SMG6: variants seen among roughly 807,000 people sequenced by gnomAD.
SMG6 encodes the protein telomerase-binding protein EST1A.
A neutral mutation model predicts 142.2 loss-of-function variants in SMG6; 66 were observed. That is an observed-to-expected ratio of 0.46 (90% CI 0.38 to 0.57). The LOEUF is 0.57. Among genes scored for constraint, SMG6 ranks in the 20% least tolerant of loss-of-function variants. The pLI is 0.00. For missense variants in SMG6, 1,793 were observed against 1,832.0 expected, an observed-to-expected ratio of 0.98 and a Z score of 0.39; for synonymous variants, 779 against 702.4, an observed-to-expected ratio of 1.11 and a Z score of -1.72.
At position 2,091,673 on chromosome 17, in the gene SMG6, C is replaced by CT. The variant is rs11331439; in HGVS notation, c.3358-5773dup. Reference sequence around the variant, plus strand: ...ACAGGCTACTTTCTCAGTCTTTTTGCTTTTTTTTTTTTTTTGAGAGAGAGT... The same window carrying CT: ...ACAGGCTACTTTCTCAGTCTTTTTGCTTTTTTTTTTTTTTTTGAGAGAGAGT... On this transcript the variant is annotated intron_variant, in intron 13 of 18. Transcript: ENST00000263073. Among the ~76,000 whole-genome samples the CT allele has an allele frequency of 3.2e-3, 444 of 140,404 alleles. 1 individual carries two copies. Among genetic ancestry groups the CT allele is most frequent in the Non-Finnish European group, 4.7e-3 (310 of 65,282 alleles). The allele number at this position is 140,404 out of a possible 152,430, so 92.1% of individuals were successfully genotyped here.
intron 13 of SMG6, chr17:2,127,531 G>A (rs879122870): frequency 3.2e-6 from 2 of 631,626 alleles, no homozygotes; most frequent in Non-Finnish European, 6.1e-6. Context: ...CATGGTTTTG[G>A]GGCCAGCATC....
At position 2,230,498 on chromosome 17, in the gene SMG6, T is replaced by C. The variant is rs190242968; in HGVS notation, c.2869+5994A>G. ...AAACAAAGACCATTTCTTCAACTGA[T>C]ATGATAAAAGGCTTAATTTTACTGA... On this transcript the variant is annotated intron_variant, in intron 10 of 18. Transcript: ENST00000263073. 2.0e-3 allele frequency among the ~76,000 whole-genome samples: 304 copies of C among 152,150 alleles called. 1 individual carries two copies. Among genetic ancestry groups the C allele is most frequent in the African/African-American group, 6.5e-3 (270 of 41,514 alleles).
chr17:2,180,011 A>C (rs2071758204), intron 12 of SMG6, among the ~76,000 whole-genome samples: 1 of 152,226 alleles, frequency 6.6e-6, no homozygotes, highest in African/African-American at 2.4e-5. Context: ...GGATAAGTGA[A>C]GATTTGGCCT....
At chr17:2,302,665 A>C (rs1392309241) in intron 1 of SMG6, among the ~76,000 whole-genome samples, 1 of 152,258 alleles carries the variant, frequency 6.6e-6, no homozygotes, top group African/African-American at 2.4e-5. Flanking sequence ...TTGTAGGTGT[A>C]AGGAAAAGGG....
In SMG6 at chr17:2,273,264, C is replaced by G. The variant is rs147745790; in HGVS notation, c.2661+9383G>C. On this transcript the variant is annotated intron_variant, in intron 8 of 18. Transcript: ENST00000263073. ...GGTGTGGTGGCTCATGCCTGTAATCCCAGCAATTTGGAAGGCTGAGGTGGG... is the reference window on the plus strand; with the variant it reads ...GGTGTGGTGGCTCATGCCTGTAATCGCAGCAATTTGGAAGGCTGAGGTGGG... Among the ~76,000 whole-genome samples, 1,216 of 152,226 alleles carry G rather than the reference C, an allele frequency of 8.0e-3. 7 individuals are homozygous for G. The highest frequency in any genetic ancestry group is 0.013 in the Non-Finnish European group (917 of 68,010).
intron 8 of SMG6, among the ~76,000 whole-genome samples, chr17:2,263,268 C>T (rs1439888218): frequency 6.6e-6 from 1 of 152,164 alleles, no homozygotes; most frequent in Non-Finnish European, 1.5e-5. Flanking sequence ...ATTTCTTCCA[C>T]AGGCTTCCAC....
At chr17:2,192,439 C>G (rs2072192548) in intron 10 of SMG6, among the ~76,000 whole-genome samples, 1 of 152,168 alleles carries the variant, frequency 6.6e-6, no homozygotes, top group African/African-American at 2.4e-5. Context: ...GCTCTGATAG[C>G]AGCAGAGGGG....
intron 10 of SMG6, among the ~76,000 whole-genome samples, chr17:2,218,230 C>T (rs1434776630): frequency 6.6e-6 from 1 of 151,826 alleles, no homozygotes; most frequent in Non-Finnish European, 1.5e-5. Flanking sequence ...ATGGTGCAGA[C>T]AATTCATTCG....
At chr17:2,303,250 G>C in intron 1 of SMG6, 1 of 1,043,272 alleles carries the variant, frequency 9.6e-7, no homozygotes, top group South Asian at 4.5e-5. Flanking sequence ...GCCGGGGCAG[G>C]CCCGCGGAGG....
chr17:2,207,818 C>T (rs539787326), intron 10 of SMG6, among the ~76,000 whole-genome samples: 1 of 152,092 alleles, frequency 6.6e-6, no homozygotes, highest in Non-Finnish European at 1.5e-5. Flanking sequence ...GGATTAGCAA[C>T]CCCCTGCCAA....
chr17:2,216,509 T>C (rs909064215), intron 10 of SMG6, among the ~76,000 whole-genome samples: 23 of 152,320 alleles, frequency 1.5e-4, no homozygotes, highest in Admixed American at 8.5e-4. Flanking sequence ...GGTATTAACA[T>C]TTTGCAAGGC....
rs144129895 is a variant in SMG6 at position 2,061,582 on chromosome 17, C to T, written c.4170G>A (p.Thr1390=). ...IRLLREVVLL[T]DDRNLRVKAL... ...CCTTCACACGCAGGTTCCGGTCATC[C>T]GTCAACAGCACCACCTCCCGCAGTA... is the stretch of plus-strand genomic sequence containing the variant. The change falls in exon 19 of 19, where the codon ACG becomes ACA. Residue 1390 remains threonine (T), a synonymous_variant. Coordinates refer to ENST00000263073, the MANE Select transcript of SMG6 (RefSeq NM_017575.5). The T allele has an allele frequency of 1.1e-5, 17 of 1,572,508 alleles. No individual in the cohort carries two copies. The highest frequency in any genetic ancestry group is 5.4e-5 in the African/African-American group (4 of 73,826).
intron 13 of SMG6, among the ~76,000 whole-genome samples, chr17:2,169,069 G>C (rs535617036): frequency 6.6e-6 from 1 of 150,504 alleles, no homozygotes; most frequent in Non-Finnish European, 1.5e-5. Context: ...TTTTTAATCA[G>C]CCAGGCATGG....
intron 13 of SMG6, among the ~76,000 whole-genome samples, chr17:2,120,531 A>G (rs2984940): frequency 0.36 from 54,023 of 152,058 alleles, 10,283 homozygotes; most frequent in African/African-American, 0.49. Context: ...ACCAGCATAG[A>G]CAACATAGCA....
intron 10 of SMG6, among the ~76,000 whole-genome samples, chr17:2,215,164 T>C (rs576896399): frequency 2.0e-5 from 3 of 152,164 alleles, no homozygotes; most frequent in African/African-American, 4.8e-5. Context: ...CCAGCTGTAA[T>C]GTGAAGAGTG....
At chr17:2,254,745 C>T (rs2074126161) in intron 8 of SMG6, among the ~76,000 whole-genome samples, 1 of 152,128 alleles carries the variant, frequency 6.6e-6, no homozygotes, top group Non-Finnish European at 1.5e-5. Flanking sequence ...CTACTGGGCA[C>T]ATTTTATGTA....
intron 13 of SMG6, among the ~76,000 whole-genome samples, chr17:2,129,097 C>T (rs1258703053): frequency 6.6e-6 from 1 of 152,122 alleles, no homozygotes; most frequent in African/African-American, 2.4e-5. Context: ...CCTGTAATCC[C>T]AGCATTTTGG....
intron 8 of SMG6, among the ~76,000 whole-genome samples, chr17:2,263,517 T>C (rs781703433): frequency 6.6e-6 from 1 of 152,160 alleles, no homozygotes; most frequent in Non-Finnish European, 1.5e-5. Context: ...GATCAGAAGA[T>C]GGAAGACAAC....
chr17:2,136,281 G>A (rs1169751858), intron 13 of SMG6, among the ~76,000 whole-genome samples: 2 of 150,292 alleles, frequency 1.3e-5, no homozygotes, highest in African/African-American at 2.4e-5. Context: ...GGCTGGTCTC[G>A]AACTCCTGAC....
Sources: gnomAD v4.1 joint callset for allele counts (sites outside exome capture counted in the v4.1 genomes callset) on GRCh38, gnomAD v4.1.1 for gene constraint, MANE v1.5 for transcripts, NCBI Gene and HGNC (gene_info 2026-07-23, HGNC 2026-07-21) for gene names.